The following CSMD1 variants were observed in gnomAD, a reference collection of about 807,000 sequenced individuals.
The protein encoded by CSMD1 is CUB and sushi domain-containing protein 1.
CSMD1 carries 213 observed loss-of-function variants against 417.5 expected under a neutral mutation model. That is an observed-to-expected ratio of 0.51 (90% CI 0.46 to 0.57). The LOEUF is 0.57. CSMD1 is among the 20% of genes least tolerant of loss of function. The pLI, the probability that CSMD1 is intolerant of heterozygous loss-of-function variation, is 0.00. For missense variants in CSMD1, 6,923 were observed against 4,529.7 expected (o/e 1.53, Z -15.17); for synonymous variants, 2,862 against 1,736.8 (o/e 1.65, Z -16.11).
At chr8:4,366,688 C>T (rs551947891) in intron 3 of CSMD1, among the ~76,000 whole-genome samples, 10 of 151,840 alleles carry the variant, frequency 6.6e-5, no homozygotes, top group East Asian at 3.9e-4. Flanking sequence ...TACTGATGAG[C>T]GTTTTTTCTT....
chr8:4,146,022 A>C (rs890939656), intron 3 of CSMD1, among the ~76,000 whole-genome samples: 2 of 150,870 alleles, frequency 1.3e-5, no homozygotes, highest in South Asian at 2.1e-4. Context: ...ATTCAAAAAA[A>C]ATCTGTTGGG....
chr8:3,917,022 G>T (rs1019735964), intron 5 of CSMD1, among the ~76,000 whole-genome samples: 3 of 152,094 alleles, frequency 2.0e-5, no homozygotes, highest in Non-Finnish European at 2.9e-5. Flanking sequence ...GTTGATACTG[G>T]AAATTGATTT....
intron 23 of CSMD1, among the ~76,000 whole-genome samples, chr8:3,338,838 T>C (rs1174411238): frequency 6.6e-6 from 1 of 151,932 alleles, no homozygotes; most frequent in East Asian, 1.9e-4. Context: ...ATTTTTATTT[T>C]TATATTTTTA....
intron 10 of CSMD1, among the ~76,000 whole-genome samples, chr8:3,535,686 G>C (rs149377570): frequency 6.6e-6 from 1 of 152,130 alleles, no homozygotes; most frequent in Non-Finnish European, 1.5e-5. Context: ...TAACAAAATT[G>C]CACTTGTACC....
rs370593120 is a variant in CSMD1, at chr8:4,655,269, G to T, written c.86-17711C>A. On this transcript the variant is annotated intron_variant, in intron 1 of 69. Coordinates refer to ENST00000635120, the MANE Select transcript of CSMD1 (RefSeq NM_033225.6). ...AAAATTGAATAGAACCCTCCCCCTGGGGTCACTGCCATGCTGCTATCCTGG... is the reference window on the plus strand; with the variant it reads ...AAAATTGAATAGAACCCTCCCCCTGTGGTCACTGCCATGCTGCTATCCTGG... 1.9e-4 allele frequency among the ~76,000 whole-genome samples: 29 copies of T among 151,956 alleles called. No individual in the cohort carries two copies. The East Asian group carries it at 1.9e-3, about 10-fold the overall frequency.
At position 4,310,631 on chromosome 8, in the gene CSMD1, G is replaced by A. The variant is rs941914808; in HGVS notation, c.415+109322C>T. 9.9e-5 allele frequency among the ~76,000 whole-genome samples: 15 copies of A among 152,250 alleles called. No homozygotes were observed. In the East Asian group the frequency reaches 1.5e-3, roughly 16 times the overall value. On this transcript the variant is annotated intron_variant, in intron 3 of 69. Coordinates refer to ENST00000635120, the MANE Select transcript of CSMD1 (RefSeq NM_033225.6). ...ATCAACATGGTATGTTAGGAAAAATGAGTCAGACACATTTGACCGAGACTA... is the reference window on the plus strand; with the variant it reads ...ATCAACATGGTATGTTAGGAAAAATAAGTCAGACACATTTGACCGAGACTA...
intron 5 of CSMD1, among the ~76,000 whole-genome samples, chr8:3,770,308 A>G (rs113435645): frequency 0.013 from 1,920 of 152,200 alleles, 49 homozygotes; most frequent in African/African-American, 0.043. Flanking sequence ...GCGGGGGTGG[A>G]TCACAAGATC....
At chr8:2,940,570 CACCCA>C (rs1801801166) in intron 69 of CSMD1, among the ~76,000 whole-genome samples, 1 of 152,192 alleles carries the variant, frequency 6.6e-6, no homozygotes, top group Non-Finnish European at 1.5e-5. Flanking sequence ...TTCACGGAGA[CACCCA>C]ACTACTCAGC....
chr8:4,784,411 C>T (rs1224736189), intron 1 of CSMD1, among the ~76,000 whole-genome samples: 1 of 152,076 alleles, frequency 6.6e-6, no homozygotes, highest in Admixed American at 6.5e-5. Flanking sequence ...AAGGGAAGAA[C>T]AAACTCATAT....
In CSMD1 at chr8:3,574,946, T is replaced by G. The variant is rs779983160; in HGVS notation, c.1343A>C (p.Lys448Thr). The change falls in exon 10 of 70, where the codon AAG (lysine) becomes ACG (threonine). Residue 448 changes from lysine to threonine, a missense_variant and splice_region_variant. Lys to Thr is a moderately conservative substitution (Grantham distance 78). Transcript: ENST00000635120. ...VWVITTTDPD[K>T]VIKLAFEEFE... ...CAGGGGTTGGAGGCGGAGCCTTACC[T>G]TGTCCGGGTCGGTGGTGGTGATGAC... 2 of 1,612,116 alleles carry G rather than the reference T, an allele frequency of 1.2e-6. No individual in the cohort carries two copies. The highest frequency in any genetic ancestry group is 1.7e-6 in the Non-Finnish European group (2 of 1,179,658).
chr8:4,378,848 A>C (rs1424809962), intron 3 of CSMD1, among the ~76,000 whole-genome samples: 1 of 152,166 alleles, frequency 6.6e-6, no homozygotes, highest in East Asian at 1.9e-4. Flanking sequence ...TAGAAGGCAT[A>C]ATCTATGAAA....
chr8:3,260,319 G>C (rs528135770), intron 26 of CSMD1, among the ~76,000 whole-genome samples: 2 of 152,196 alleles, frequency 1.3e-5, no homozygotes, highest in East Asian at 3.9e-4. Flanking sequence ...CTGGCTTTGG[G>C]TGTTGCAGGA....
intron 2 of CSMD1, among the ~76,000 whole-genome samples, chr8:4,509,196 A>T (rs184445505): frequency 6.6e-6 from 1 of 152,296 alleles, no homozygotes; most frequent in East Asian, 1.9e-4. Context: ...AATCATCCAA[A>T]CATTATAAAT....
chr8:4,811,698 A>G (rs1335576196), intron 1 of CSMD1, among the ~76,000 whole-genome samples: 1 of 152,064 alleles, frequency 6.6e-6, no homozygotes, highest in Non-Finnish European at 1.5e-5. Flanking sequence ...TCACAGAAAT[A>G]AGAAAAAAAA....
At chr8:2,974,900 ACAGC>A (rs1804792659) in intron 55 of CSMD1, among the ~76,000 whole-genome samples, 1 of 152,208 alleles carries the variant, frequency 6.6e-6, no homozygotes, top group Admixed American at 6.5e-5. Context: ...TTTCAAGGAG[ACAGC>A]CATACTGCCT....
chr8:3,382,735 G>C (rs1051832623), intron 18 of CSMD1, among the ~76,000 whole-genome samples: 3 of 151,216 alleles, frequency 2.0e-5, no homozygotes, highest in Non-Finnish European at 4.4e-5. Flanking sequence ...TCCAGTAGCA[G>C]AGTATGATTA....
intron 57 of CSMD1, among the ~76,000 whole-genome samples, chr8:2,968,562 T>C (rs1411745688): frequency 1.3e-5 from 2 of 152,214 alleles, no homozygotes; most frequent in African/African-American, 4.8e-5. Context: ...CTGTGGAAAG[T>C]AAAATTCATG....
intron 3 of CSMD1, among the ~76,000 whole-genome samples, chr8:4,217,163 G>T (rs989856849): frequency 1.4e-4 from 21 of 152,148 alleles, no homozygotes; most frequent in African/African-American, 4.8e-4. Context: ...AATAACTACT[G>T]AATACTTTTC....
chr8:3,981,391 A>C (rs1414849494), intron 5 of CSMD1, among the ~76,000 whole-genome samples: 1 of 151,284 alleles, frequency 6.6e-6, no homozygotes, highest in Non-Finnish European at 1.5e-5. Context: ...AATATGGTGC[A>C]GTGTATACTG....
Sources: allele counts gnomAD v4.1 joint callset (sites outside exome capture counted in the v4.1 genomes callset), GRCh38; gene constraint gnomAD v4.1.1; transcripts MANE v1.5; gene names NCBI Gene and HGNC (gene_info 2026-07-23, HGNC 2026-07-21).